CDK8: variants seen among roughly 807,000 people sequenced by gnomAD.
The protein encoded by CDK8 is cyclin-dependent kinase 8.
CDK8 carries 29 observed loss-of-function variants against 71.5 expected under a neutral mutation model. The observed-to-expected ratio is 0.41, with a 90% CI of 0.30 to 0.55. The LOEUF (loss-of-function observed/expected upper bound fraction) is 0.55, where lower values mean the gene tolerates loss of function less well. CDK8 is among the 20% of genes least tolerant of loss of function. The pLI is 0.37. For synonymous variants in CDK8, 161 were observed against 192.1 expected, an observed-to-expected ratio of 0.84 and a Z score of 1.34; for missense variants, 288 against 572.6, an observed-to-expected ratio of 0.50 and a Z score of 5.07.
intron 4 of CDK8, among the ~76,000 whole-genome samples, chr13:26,364,432 A>G (rs1874289700): frequency 6.6e-6 from 1 of 152,210 alleles, no homozygotes; most frequent in Non-Finnish European, 1.5e-5. Context: ...CTTGCACTAG[A>G]AAATTCTTAG....
chr13:26,371,505 TC>T (rs1426806756), intron 4 of CDK8, among the ~76,000 whole-genome samples: 2 of 152,208 alleles, frequency 1.3e-5, no homozygotes, highest in East Asian at 3.8e-4. Flanking sequence ...ATAGTTTATT[TC>T]AAAAAACTGA....
At chr13:26,382,045 G>A (rs974921788) in intron 4 of CDK8, among the ~76,000 whole-genome samples, 2 of 152,078 alleles carry the variant, frequency 1.3e-5, no homozygotes, top group African/African-American at 4.8e-5. Flanking sequence ...TAAACCAGTT[G>A]CCTTTTTCTT....
At chr13:26,344,539 T>C (rs951468198) in intron 2 of CDK8, among the ~76,000 whole-genome samples, 12 of 152,088 alleles carry the variant, frequency 7.9e-5, no homozygotes, top group Non-Finnish European at 1.6e-4. Context: ...GGTGGACAGA[T>C]AGATCACTGG....
chr13:26,312,368 T>C (rs963372168), intron 1 of CDK8, among the ~76,000 whole-genome samples: 3 of 152,212 alleles, frequency 2.0e-5, no homozygotes, highest in Non-Finnish European at 4.4e-5. Flanking sequence ...ATCTTGCTGC[T>C]GCTCACTCTT....
chr13:26,286,272 G>T (rs1873015899), intron 1 of CDK8, among the ~76,000 whole-genome samples: 1 of 152,132 alleles, frequency 6.6e-6, no homozygotes, highest in Non-Finnish European at 1.5e-5. Context: ...ATACTACAAG[G>T]CTATAGTTAC....
chr13:26,299,794 A>G (rs945101884), intron 1 of CDK8, among the ~76,000 whole-genome samples: 1 of 152,166 alleles, frequency 6.6e-6, no homozygotes, highest in Non-Finnish European at 1.5e-5. Flanking sequence ...TAGTTTACTG[A>G]CAGTAGTTTC....
intron 4 of CDK8, among the ~76,000 whole-genome samples, chr13:26,371,320 A>G (rs1874673111): frequency 6.6e-6 from 1 of 152,206 alleles, no homozygotes; most frequent in Non-Finnish European, 1.5e-5. Flanking sequence ...ACTAATAGCT[A>G]ATGACATTCC....
At chr13:26,261,312 TAA>T (rs1871758713) in intron 1 of CDK8, among the ~76,000 whole-genome samples, 1 of 152,212 alleles carries the variant, frequency 6.6e-6, no homozygotes, top group Non-Finnish European at 1.5e-5. Context: ...AATTGAGATA[TAA>T]GTCACATACC....
intron 1 of CDK8, among the ~76,000 whole-genome samples, chr13:26,328,429 A>G (rs972488015): frequency 4.6e-5 from 7 of 152,186 alleles, no homozygotes; most frequent in Admixed American, 6.5e-5. Flanking sequence ...ATATTTTCCT[A>G]TCTTTGCAAC....
At chr13:26,329,291 T>G (rs1875176882) in intron 1 of CDK8, among the ~76,000 whole-genome samples, 1 of 152,036 alleles carries the variant, frequency 6.6e-6, no homozygotes, top group Non-Finnish European at 1.5e-5. Flanking sequence ...TCCCATCTCT[T>G]AAAGGTGAAT....
At chr13:26,284,604 T>C (rs1358318462) in intron 1 of CDK8, among the ~76,000 whole-genome samples, 2 of 151,684 alleles carry the variant, frequency 1.3e-5, no homozygotes, top group East Asian at 1.9e-4. Flanking sequence ...CAGTAACAAG[T>C]AGCAAGATTG....
intron 1 of CDK8, among the ~76,000 whole-genome samples, chr13:26,313,148 T>C (rs1456109481): frequency 6.6e-6 from 1 of 152,230 alleles, no homozygotes; most frequent in Non-Finnish European, 1.5e-5. Flanking sequence ...TTTCATTCTC[T>C]TCACTTAGAT....
intron 1 of CDK8, among the ~76,000 whole-genome samples, chr13:26,282,312 C>G (rs1169435445): frequency 6.6e-6 from 1 of 152,116 alleles, no homozygotes; most frequent in Non-Finnish European, 1.5e-5. Context: ...TAAGAGCTAT[C>G]AGGCAAAAGC....
intron 4 of CDK8, among the ~76,000 whole-genome samples, chr13:26,365,358 A>T (rs180915931): frequency 6.6e-6 from 1 of 152,256 alleles, no homozygotes; most frequent in East Asian, 1.9e-4. Flanking sequence ...TACATGCCAC[A>T]TTTGCTTAAT....
At chr13:26,268,108 C>G (rs940465909) in intron 1 of CDK8, among the ~76,000 whole-genome samples, 3 of 152,146 alleles carry the variant, frequency 2.0e-5, no homozygotes, top group Non-Finnish European at 4.4e-5. Flanking sequence ...ACCAATTACA[C>G]TCACATCAAA....
At chr13:26,258,877 A>C (rs944286822) in intron 1 of CDK8, among the ~76,000 whole-genome samples, 1 of 152,142 alleles carries the variant, frequency 6.6e-6, no homozygotes, top group Non-Finnish European at 1.5e-5. Context: ...GGTAACTCCC[A>C]AAGACCTATC....
At chr13:26,357,507 C>G (rs929642413) in intron 4 of CDK8, among the ~76,000 whole-genome samples, 1 of 152,216 alleles carries the variant, frequency 6.6e-6, no homozygotes, top group African/African-American at 2.4e-5. Flanking sequence ...CTTGATGACT[C>G]TCTTCCCTTT....
At chr13:26,369,709 C>CTTTTTTTTT (rs36116401) in intron 4 of CDK8, among the ~76,000 whole-genome samples, 179 of 95,370 alleles carry the variant, frequency 1.9e-3, no homozygotes, top group African/African-American at 4.1e-3. Flanking sequence ...TTCTTTCTTT[C>CTTTTTTTTT]TTTTTTTTTT....
At chr13:26,324,386 GA>G (rs1222460372) in intron 1 of CDK8, among the ~76,000 whole-genome samples, 1 of 152,122 alleles carries the variant, frequency 6.6e-6, no homozygotes, top group East Asian at 1.9e-4. Context: ...TAAAAAGATA[GA>G]AATGTTAGAA....
Sources: gnomAD v4.1 joint callset for allele counts (sites outside exome capture counted in the v4.1 genomes callset) on GRCh38, gnomAD v4.1.1 for gene constraint, MANE v1.5 for transcripts, NCBI Gene and HGNC (gene_info 2026-07-23, HGNC 2026-07-21) for gene names.